SKI: variants seen among roughly 807,000 people sequenced by gnomAD.
SKI encodes SKI proto-oncogene, also known as ski oncogene.
In SKI, 23 loss-of-function variants were observed where a neutral mutation model predicts 59.3. That is an observed-to-expected ratio of 0.39 (90% CI 0.28 to 0.55). The LOEUF (loss-of-function observed/expected upper bound fraction) is 0.55, where lower values mean the gene tolerates loss of function less well. Ranked by LOEUF, SKI falls within the 20% of genes least tolerant of loss-of-function variation. SKI has a pLI of 0.67. For missense variants in SKI, 1,017 were observed against 1,038.9 expected, an observed-to-expected ratio of 0.98 and a Z score of 0.29; for synonymous variants, 673 against 488.6, an observed-to-expected ratio of 1.38 and a Z score of -4.98.
In SKI at chr1:2,298,758, C is replaced by T. The variant is rs1450099059; in HGVS notation, c.970-4220C>T. Among the ~76,000 whole-genome samples the T allele has an allele frequency of 3.3e-5, 5 of 152,228 alleles. No individual in the cohort carries two copies. In the East Asian group the frequency reaches 7.7e-4, roughly 23 times the overall value. ...GCCGATCCTGGCTGCTGTATCAACG[C>T]GCCCACCAAATGGGGCCTTCTTTGA... On this transcript the variant is annotated intron_variant, in intron 1 of 6. Coordinates refer to ENST00000378536, the MANE Select transcript of SKI (RefSeq NM_003036.4).
intron 1 of SKI, among the ~76,000 whole-genome samples, chr1:2,265,358 G>A (rs1639480565): frequency 6.6e-6 from 1 of 152,010 alleles, no homozygotes; most frequent in Non-Finnish European, 1.5e-5. Flanking sequence ...AGTAGTTTCT[G>A]TTACTCTGTG....
At chr1:2,297,048 C>G (rs1268746251) in intron 1 of SKI, among the ~76,000 whole-genome samples, 1 of 151,958 alleles carries the variant, frequency 6.6e-6, no homozygotes, top group Non-Finnish European at 1.5e-5. Context: ...CCCGCACAGG[C>G]TCTTGGTGTG....
At chr1:2,302,836 T>C (rs1640459011) in intron 1 of SKI, 142 bp from the exon 2 acceptor site, 1 of 1,160,160 alleles carries the variant, frequency 8.6e-7, no homozygotes, top group African/African-American at 1.5e-5. Flanking sequence ...GGGGGTGCCC[T>C]GGAATCTGCC....
At chr1:2,239,505 T>G (rs112900697) in intron 1 of SKI, among the ~76,000 whole-genome samples, 213 of 152,344 alleles carry the variant, frequency 1.4e-3, no homozygotes, top group African/African-American at 5.0e-3. Context: ...CCCATGTGGG[T>G]GTAGCCGTTG....
At chr1:2,231,899 C>T (rs1352038086) in intron 1 of SKI, among the ~76,000 whole-genome samples, 1 of 152,226 alleles carries the variant, frequency 6.6e-6, no homozygotes, top group Non-Finnish European at 1.5e-5. Flanking sequence ...CAGTGCCTGC[C>T]CTTTAGGCTC....
chr1:2,275,674 G>A (rs1350165730), intron 1 of SKI, among the ~76,000 whole-genome samples: 2 of 152,104 alleles, frequency 1.3e-5, no homozygotes, highest in African/African-American at 2.4e-5. Context: ...CATCACACTC[G>A]GCTAATTTTT....
intron 1 of SKI, among the ~76,000 whole-genome samples, chr1:2,294,532 G>T (rs916565854): frequency 6.6e-6 from 1 of 152,234 alleles, no homozygotes; most frequent in African/African-American, 2.4e-5. Context: ...CCTCCCTTGA[G>T]CCCGTTAGCT....
At chr1:2,265,266 C>T (rs530507220) in intron 1 of SKI, among the ~76,000 whole-genome samples, 36 of 152,262 alleles carry the variant, frequency 2.4e-4, no homozygotes, top group Non-Finnish European at 4.3e-4. Context: ...CTTGGTGGCC[C>T]GTGTGTCAGT....
chr1:2,292,712 G>C (rs1162692852), intron 1 of SKI, among the ~76,000 whole-genome samples: 3 of 152,204 alleles, frequency 2.0e-5, no homozygotes, highest in African/African-American at 7.2e-5. Context: ...CTGGTACCAG[G>C]CAGTGTCCTC....
At chr1:2,251,535 C>A (rs1219069850) in intron 1 of SKI, among the ~76,000 whole-genome samples, 6 of 152,168 alleles carry the variant, frequency 3.9e-5, no homozygotes, top group Non-Finnish European at 7.4e-5. Flanking sequence ...CTGTCCTGGT[C>A]CCCAGGTCGT....
In SKI at chr1:2,306,127, G is replaced by A; in HGVS notation, c.1875G>A (p.Lys625=). The A allele has an allele frequency of 6.3e-7, 1 of 1,597,756 alleles. No homozygotes were observed. Among genetic ancestry groups the A allele is most frequent in the African/African-American group, 1.3e-5 (1 of 74,942 alleles). Residue 625 remains lysine, a synonymous_variant, in exon 6 of 7, where the codon AAG becomes AAA. Transcript: ENST00000378536. ...AGCGTCTCCGCGCCGAGAACGAGAA[G>A]AAGATGAAAGAGGCCAACGAGTCAC... ...EIERLRAENE[K]KMKEANESRL...
chr1:2,290,143 G>A (rs933395250), intron 1 of SKI, among the ~76,000 whole-genome samples: 4 of 152,062 alleles, frequency 2.6e-5, no homozygotes, highest in Admixed American at 1.3e-4. Context: ...GTTGTAAGGG[G>A]TGGAGTCCTT....
At position 2,309,990 on chromosome 1, in the gene SKI, GA is replaced by G; in HGVS notation, c.*3226del. ...CCATCTCTACCTTTAACATCACCCA[GA>G]CCCCCGCCCCTGCCCGTGCCCCACG... On this transcript the variant is annotated 3_prime_UTR_variant, in exon 7 of 7. Coordinates refer to ENST00000378536, the MANE Select transcript of SKI (RefSeq NM_003036.4). 7.0e-6 allele frequency: 1 copy of G among 142,744 alleles called. No individual in the cohort carries two copies. Among genetic ancestry groups the G allele is most frequent in the South Asian group, 2.3e-4 (1 of 4,332 alleles). 8.8% of individuals were successfully genotyped at this position (142,744 alleles called of 1,614,324 possible).
Position 2,309,983 on chromosome 1 carries a change from T to A in SKI, c.*3218T>A, listed in dbSNP as rs1477196867. On this transcript the variant is annotated 3_prime_UTR_variant, in exon 7 of 7. Coordinates refer to ENST00000378536, the MANE Select transcript of SKI (RefSeq NM_003036.4). ...AAAAGCTCCATCTCTACCTTTAACA[T>A]CACCCAGACCCCCGCCCCTGCCCGT... 7.0e-6 allele frequency: 1 copy of A among 143,370 alleles called. No homozygotes were observed. The highest frequency in any genetic ancestry group is 2.6e-5 in the African/African-American group (1 of 38,026). 8.9% of individuals were successfully genotyped at this position (143,370 alleles called of 1,614,324 possible).
At chr1:2,241,234 C>T (rs1457742841) in intron 1 of SKI, among the ~76,000 whole-genome samples, 3 of 152,216 alleles carry the variant, frequency 2.0e-5, no homozygotes, top group Non-Finnish European at 4.4e-5. Flanking sequence ...TTAAATATGT[C>T]TGTGGACTTC....
chr1:2,302,764 G>A (rs889740160), intron 1 of SKI, among the ~76,000 whole-genome samples: 1 of 152,224 alleles, frequency 6.6e-6, no homozygotes, highest in Non-Finnish European at 1.5e-5. Flanking sequence ...CCTCAGCACA[G>A]CCTCCACGTG....
chr1:2,264,140 G>T (rs1389200356), intron 1 of SKI, among the ~76,000 whole-genome samples: 1 of 152,174 alleles, frequency 6.6e-6, no homozygotes, highest in Non-Finnish European at 1.5e-5. Flanking sequence ...TTACTGGTTT[G>T]TGTTACACAA....
At chr1:2,301,708 A>G (rs549713404) in intron 1 of SKI, among the ~76,000 whole-genome samples, 2 of 151,296 alleles carry the variant, frequency 1.3e-5, no homozygotes, top group African/African-American at 4.9e-5. Context: ...AGGTGGGAAG[A>G]GCCCCCGGCC....
chr1:2,275,064 C>T (rs1557833775), intron 1 of SKI, among the ~76,000 whole-genome samples: 1 of 152,182 alleles, frequency 6.6e-6, no homozygotes, highest in Non-Finnish European at 1.5e-5. Flanking sequence ...GGGGGTGGCA[C>T]CAGGTGTTTC....
Sources: allele counts gnomAD v4.1 joint callset (sites outside exome capture counted in the v4.1 genomes callset), GRCh38; gene constraint gnomAD v4.1.1; transcripts MANE v1.5; gene names NCBI Gene and HGNC (gene_info 2026-07-23, HGNC 2026-07-21).